The following TSEN15 variants were observed in gnomAD, a reference collection of about 807,000 sequenced individuals.
TSEN15 encodes tRNA splicing endonuclease subunit 15.
In TSEN15, 10 loss-of-function variants were observed where a neutral mutation model predicts 20.5. The ratio of observed to expected loss-of-function variants is 0.49; its 90% CI spans 0.30 to 0.83. The LOEUF is 0.83. TSEN15 is among the 40% of genes least tolerant of loss of function. The probability of loss-of-function intolerance (pLI) is 0.06; values close to 1 mark genes in which losing one functional copy is unlikely to be tolerated. For missense variants in TSEN15, 180 were observed against 218.6 expected (o/e 0.82, Z 1.11); for synonymous variants, 72 against 80.1 (o/e 0.90, Z 0.54).
At chr1:184,054,989 G>A (rs1342124904) in intron 3 of TSEN15, 126 bp downstream of exon 3, 1 of 1,101,844 alleles carries the variant, frequency 9.1e-7, no homozygotes, top group African/African-American at 1.6e-5. Flanking sequence ...TTGGCTATTT[G>A]AGGAATAAGT....
chr1:184,063,706 AC>A (rs1467144929), intron 3 of TSEN15, among the ~76,000 whole-genome samples: 1 of 152,168 alleles, frequency 6.6e-6, no homozygotes, highest in East Asian at 1.9e-4. Flanking sequence ...TGATTAAAGA[AC>A]ATTTTATTAG....
chr1:184,067,231 A>G (rs553597688), intron 3 of TSEN15, among the ~76,000 whole-genome samples: 1 of 152,240 alleles, frequency 6.6e-6, no homozygotes, highest in African/African-American at 2.4e-5. Flanking sequence ...GAATCTGTCC[A>G]TTTCTTACCA....
chr1:184,081,428 A>T (rs1368891770), intron 3 of TSEN15, among the ~76,000 whole-genome samples: 8 of 152,168 alleles, frequency 5.3e-5, no homozygotes, highest in Non-Finnish European at 1.0e-4. Context: ...TGCTTACTGC[A>T]ATTAGGAAGC....
chr1:184,052,101 C>T (rs528122123), intron 1 of TSEN15, among the ~76,000 whole-genome samples: 27 of 152,290 alleles, frequency 1.8e-4, no homozygotes, highest in African/African-American at 6.3e-4. Context: ...CCAGCCAAAG[C>T]CATTTTGGAA....
chr1:184,055,108 A>T, intron 3 of TSEN15: 1 of 378,648 alleles, frequency 2.6e-6, no homozygotes, highest in Non-Finnish European at 4.7e-6. Flanking sequence ...CATAGTTCTG[A>T]AGGCTTTACA....
At chr1:184,056,302 C>T (rs1650248091) in intron 3 of TSEN15, among the ~76,000 whole-genome samples, 2 of 152,012 alleles carry the variant, frequency 1.3e-5, no homozygotes, top group South Asian at 4.1e-4. Context: ...TTATTTTGGT[C>T]TTAATTTACA....
intron 3 of TSEN15, chr1:184,058,262 G>T (rs887954038): frequency 1.9e-5 from 7 of 377,382 alleles, no homozygotes; most frequent in Non-Finnish European, 3.6e-5. Flanking sequence ...TGATGCTGTT[G>T]CATTTAATAA....
downstream of TSEN15, among the ~76,000 whole-genome samples, chr1:184,077,303 A>G (rs1651082315): frequency 6.6e-6 from 1 of 152,206 alleles, no homozygotes; most frequent in Non-Finnish European, 1.5e-5. Flanking sequence ...ATGAAAGCAC[A>G]TCTGTTTACA....
In TSEN15 at chr1:184,056,117, C is replaced by T. The variant is rs1168462552; in HGVS notation, c.353+1254C>T. Among the ~76,000 whole-genome samples the T allele has an allele frequency of 2.0e-5, 3 of 152,120 alleles. No homozygotes were observed. The East Asian group carries it at 5.8e-4, about 29-fold the overall frequency. ...ACCACCATTTTTACATCCACTCCCTCGATGATGGAGTGTTGCTAATGTTTA... is the reference window on the plus strand; with the variant it reads ...ACCACCATTTTTACATCCACTCCCTTGATGATGGAGTGTTGCTAATGTTTA... On this transcript the variant is annotated intron_variant, in intron 3 of 4. Transcript: ENST00000645668.
chr1:184,083,468 C>T (rs1651206667), intron 3 of TSEN15, among the ~76,000 whole-genome samples: 5 of 152,136 alleles, frequency 3.3e-5, no homozygotes, highest in Admixed American at 3.3e-4. Context: ...TTTATTTATT[C>T]AACATTTTTT....
At chr1:184,062,425 T>C (rs777609997) in intron 3 of TSEN15, among the ~76,000 whole-genome samples, 12 of 152,104 alleles carry the variant, frequency 7.9e-5, no homozygotes, top group Non-Finnish European at 1.6e-4. Context: ...GATTTAAAGA[T>C]GAGACAACAA....
intron 3 of TSEN15, chr1:184,095,439 T>C (rs1237159354): frequency 2.6e-6 from 1 of 381,930 alleles, no homozygotes; most frequent in Non-Finnish European, 4.6e-6. Context: ...GGACTGATTG[T>C]GTCCCTCTCT....
At chr1:184,087,947 A>G (rs1651292767) in intron 3 of TSEN15, among the ~76,000 whole-genome samples, 1 of 152,298 alleles carries the variant, frequency 6.6e-6, no homozygotes, top group East Asian at 1.9e-4. Flanking sequence ...TCTAGTGGAC[A>G]GTGGATGGAT....
chr1:184,079,733 C>T (rs553241351), intron 3 of TSEN15, among the ~76,000 whole-genome samples: 1 of 152,160 alleles, frequency 6.6e-6, no homozygotes, highest in Non-Finnish European at 1.5e-5. Context: ...ATTCCAGTCA[C>T]ATTGTGGGAT....
chr1:184,084,908 A>T (rs1557890169), intron 3 of TSEN15, among the ~76,000 whole-genome samples: 2 of 152,098 alleles, frequency 1.3e-5, no homozygotes, highest in African/African-American at 2.4e-5. Flanking sequence ...AGATGGGGGG[A>T]CAATTTTACC....
At chr1:184,095,970 T>C (rs901501480) in exon 4 of TSEN15, 2 of 378,906 alleles carry the variant, frequency 5.3e-6, no homozygotes, top group Non-Finnish European at 4.7e-6. Flanking sequence ...TTATTGATAA[T>C]GGCACTATCA....
rs1412045613 is a variant in TSEN15, at chr1:184,073,155, C to G, written c.*308C>G. On this transcript the variant is annotated 3_prime_UTR_variant, in exon 5 of 5. Coordinates refer to ENST00000645668, the MANE Select transcript of TSEN15 (RefSeq NM_052965.4). ...TGTGTGCTGCTTTTGTCATCCCACA[C>G]TCAAAGTTGTCTCTTTGTTTCTTGC... is the stretch of plus-strand genomic sequence containing the variant. 3.7e-6 allele frequency: 1 copy of G among 271,666 alleles called. No individual in the cohort carries two copies. Among genetic ancestry groups the G allele is most frequent in the East Asian group, 6.8e-5 (1 of 14,656 alleles). The allele number at this position is 271,666 out of a possible 1,614,324, so 16.8% of individuals were successfully genotyped here. A position where few individuals can be genotyped will look rare whatever the true frequency, so the allele number is the denominator to read the frequency against.
At chr1:184,086,007 T>C (rs547382194) in intron 3 of TSEN15, among the ~76,000 whole-genome samples, 1 of 152,320 alleles carries the variant, frequency 6.6e-6, no homozygotes, top group East Asian at 1.9e-4. Flanking sequence ...ACAAAATGTA[T>C]GCAAAGAGGG....
intron 3 of TSEN15, among the ~76,000 whole-genome samples, chr1:184,056,573 C>T (rs978982215): frequency 1.3e-5 from 2 of 151,976 alleles, no homozygotes; most frequent in African/African-American, 4.8e-5. Context: ...TTATAATCAA[C>T]GTCTTTGTGT....
Sources: allele counts gnomAD v4.1 joint callset (sites outside exome capture counted in the v4.1 genomes callset), GRCh38; gene constraint gnomAD v4.1.1; transcripts MANE v1.5; gene names NCBI Gene and HGNC (gene_info 2026-07-23, HGNC 2026-07-21).